The following SPAG16 variants were observed in gnomAD, a reference collection of about 807,000 sequenced individuals.
SPAG16 encodes the protein sperm-associated antigen 16 protein.
A neutral mutation model predicts 80.4 loss-of-function variants in SPAG16; 86 were observed. That is an observed-to-expected ratio of 1.07 (90% CI 0.90 to 1.28). SPAG16 has a LOEUF of 1.28. SPAG16 is among the 50% of genes most tolerant of loss of function. SPAG16 has a pLI of 0.00. For missense variants in SPAG16, 870 were observed against 765.3 expected (o/e 1.14, Z -1.61); for synonymous variants, 294 against 265.9 (o/e 1.11, Z -1.03).
intron 9 of SPAG16, among the ~76,000 whole-genome samples, chr2:213,418,265 A>T (rs2069384343): frequency 6.6e-6 from 1 of 152,060 alleles, no homozygotes; most frequent in Admixed American, 6.5e-5. Flanking sequence ...ACACACACAC[A>T]CATATATATA....
chr2:214,004,535 T>C (rs2046940137), intron 12 of SPAG16, among the ~76,000 whole-genome samples: 1 of 152,136 alleles, frequency 6.6e-6, no homozygotes, highest in African/African-American at 2.4e-5. Flanking sequence ...TTGTAAGACC[T>C]TTGTAGTAAA....
At chr2:213,710,951 C>G (rs1268835164) in intron 10 of SPAG16, among the ~76,000 whole-genome samples, 1 of 151,966 alleles carries the variant, frequency 6.6e-6, no homozygotes, top group African/African-American at 2.4e-5. Flanking sequence ...TTAGCAAAAA[C>G]CTTTTCTGGA....
chr2:213,756,366 G>A (rs2068333286), intron 10 of SPAG16, among the ~76,000 whole-genome samples: 2 of 152,160 alleles, frequency 1.3e-5, no homozygotes, highest in Admixed American at 1.3e-4. Context: ...GCATCCTCCT[G>A]TAGTCCCAGC....
At chr2:213,500,997 G>A (rs1048729077) in intron 10 of SPAG16, among the ~76,000 whole-genome samples, 2 of 152,158 alleles carry the variant, frequency 1.3e-5, no homozygotes, top group South Asian at 2.1e-4. Context: ...GGTAGAGACC[G>A]TTCCCAGAGG....
chr2:214,309,585 T>C (rs1695144457), intron 15 of SPAG16, among the ~76,000 whole-genome samples: 1 of 152,094 alleles, frequency 6.6e-6, no homozygotes, highest in Non-Finnish European at 1.5e-5. Flanking sequence ...TTTTATCCTA[T>C]TTGATGACCA....
At chr2:213,912,013 T>C (rs1383209489) in intron 11 of SPAG16, among the ~76,000 whole-genome samples, 3 of 152,136 alleles carry the variant, frequency 2.0e-5, no homozygotes, top group Non-Finnish European at 1.5e-5. Context: ...ATAAAATAAC[T>C]ACAAAATCCT....
intron 8 of SPAG16, among the ~76,000 whole-genome samples, chr2:213,370,700 TTAAAA>T (rs1412208155): frequency 6.6e-6 from 1 of 152,204 alleles, no homozygotes; most frequent in Non-Finnish European, 1.5e-5. Context: ...GACATATCAA[TTAAAA>T]TAAACTGATG....
intron 15 of SPAG16, among the ~76,000 whole-genome samples, chr2:214,296,524 C>G (rs942248724): frequency 6.6e-6 from 1 of 152,182 alleles, no homozygotes; most frequent in African/African-American, 2.4e-5. Context: ...CAAACATTCT[C>G]TTTTCTCCAC....
chr2:213,984,248 A>T (rs1030968613), intron 12 of SPAG16, among the ~76,000 whole-genome samples: 3 of 152,136 alleles, frequency 2.0e-5, no homozygotes, highest in African/African-American at 7.2e-5. Context: ...CTTCAAATTG[A>T]CATTGCATAC....
chr2:213,742,859 G>A (rs932669684), intron 10 of SPAG16, among the ~76,000 whole-genome samples: 3 of 151,828 alleles, frequency 2.0e-5, no homozygotes, highest in South Asian at 2.1e-4. Flanking sequence ...CACCGTGCTC[G>A]GCTGCTTATT....
At chr2:213,588,451 A>AT (rs56944461) in intron 10 of SPAG16, among the ~76,000 whole-genome samples, 3,123 of 144,066 alleles carry the variant, frequency 0.022, 72 homozygotes, top group African/African-American at 0.057. Flanking sequence ...TTTATTTGTG[A>AT]TTTTTTTTTT....
rs1030664473 is a variant in SPAG16 at position 214,117,441 on chromosome 2, A to G, written c.1593+9180A>G. ...ACATGTAAAAAAAGAGCTAATACCA[A>G]TGTTTCTCAAACTATTCCAAAAACT... On this transcript the variant is annotated intron_variant, in intron 14 of 15. Transcript: ENST00000331683. 2.6e-5 allele frequency among the ~76,000 whole-genome samples: 4 copies of G among 152,306 alleles called. No individual in the cohort carries two copies. In the South Asian group the frequency reaches 8.3e-4, roughly 32 times the overall value.
Position 213,979,393 on chromosome 2 carries a change from AT to A in SPAG16, c.1401-34557del, listed in dbSNP as rs2045580526. Among the ~76,000 whole-genome samples the A allele has an allele frequency of 2.0e-5, 3 of 152,254 alleles. No homozygotes were observed. The South Asian group carries it at 6.2e-4, about 32-fold the overall frequency. ...CTGTATTGTTCCTTTTCCTACTGCT[AT>A]AAAGAACTGCCCGTGACTGGGTAAT... On this transcript the variant is annotated intron_variant, in intron 12 of 15. Coordinates refer to ENST00000331683, the MANE Select transcript of SPAG16 (RefSeq NM_024532.5).
intron 12 of SPAG16, among the ~76,000 whole-genome samples, chr2:213,985,171 A>G (rs1301411379): frequency 1.3e-5 from 2 of 152,130 alleles, no homozygotes; most frequent in Non-Finnish European, 2.9e-5. Context: ...ATCTATTAAA[A>G]GAATGAATAA....
At position 213,285,877 on chromosome 2, in the gene SPAG16, C is replaced by CT. The variant is rs1020578081; in HGVS notation, c.136+1260dup. 7.8e-6 allele frequency: 10 copies of CT among 1,288,376 alleles called. No homozygotes were observed. The Admixed American group carries it at 1.6e-4, about 21-fold the overall frequency. 79.8% of individuals were successfully genotyped at this position (1,288,376 alleles called of 1,614,324 possible). ...CTCTTTAACAACGATTTTCATAATT[C>CT]TTCCTAAGCTTATCTATATCCAGTG... is the stretch of plus-strand genomic sequence containing the variant. On this transcript the variant is annotated intron_variant, in intron 1 of 15. Coordinates refer to ENST00000331683, the MANE Select transcript of SPAG16 (RefSeq NM_024532.5).
intron 10 of SPAG16, among the ~76,000 whole-genome samples, chr2:213,738,531 G>C (rs2067396896): frequency 6.6e-6 from 1 of 152,038 alleles, no homozygotes; most frequent in Non-Finnish European, 1.5e-5. Context: ...ATGTTGAGAA[G>C]TACCACTATA....
intron 15 of SPAG16, among the ~76,000 whole-genome samples, chr2:214,336,728 G>A (rs901261591): frequency 6.6e-6 from 1 of 151,652 alleles, no homozygotes; most frequent in African/African-American, 2.4e-5. Context: ...TTAGATAGCT[G>A]TACAGTTTGG....
chr2:213,930,819 C>G (rs938307737), intron 12 of SPAG16, among the ~76,000 whole-genome samples: 9 of 152,114 alleles, frequency 5.9e-5, no homozygotes, highest in Admixed American at 2.0e-4. Context: ...AATTTAGCTA[C>G]TATCAAATAT....
At chr2:214,133,665 TAATAA>T (rs879855766) in intron 14 of SPAG16, among the ~76,000 whole-genome samples, 12 of 151,818 alleles carry the variant, frequency 7.9e-5, no homozygotes, top group Admixed American at 7.2e-4. Flanking sequence ...TCAAAAATAA[TAATAA>T]AATAAAATAA....
Sources: gnomAD v4.1 joint callset for allele counts (sites outside exome capture counted in the v4.1 genomes callset) on GRCh38, gnomAD v4.1.1 for gene constraint, MANE v1.5 for transcripts, NCBI Gene and HGNC (gene_info 2026-07-23, HGNC 2026-07-21) for gene names.